Variants in PLCG1 observed in about 807,000 individuals in gnomAD.
The protein encoded by PLCG1 is 1-phosphatidylinositol 4,5-bisphosphate phosphodiesterase gamma-1.
Under a neutral mutation model 177.8 loss-of-function variants are expected in PLCG1, and 71 were observed. The ratio of observed to expected loss-of-function variants is 0.40; its 90% CI spans 0.33 to 0.49. PLCG1 has a LOEUF of 0.49. PLCG1 is among the 20% of genes least tolerant of loss of function. The pLI is 0.72. For synonymous variants in PLCG1, 658 were observed against 647.9 expected (o/e 1.02, Z -0.24); for missense variants, 1,281 against 1,709.0 (o/e 0.75, Z 4.42).
chr20:41,174,519 A>G lies in PLCG1; in HGVS notation c.*10A>G. Reference sequence around the variant, plus strand: ...AGACAACCGCCTCTAGTTGTACCCCAGCCTCGTTGGAGAGCAGCAGGTGCT... The same window carrying G: ...AGACAACCGCCTCTAGTTGTACCCCGGCCTCGTTGGAGAGCAGCAGGTGCT... On this transcript the variant is annotated 3_prime_UTR_variant, in exon 32 of 32. Transcript: ENST00000685551. This position sits in a 1 kb window ranked among gnomAD's most constrained non-coding sequence, Gnocchi z 5.8. 1 of 1,581,130 alleles carries G rather than the reference A, an allele frequency of 6.3e-7. No individual in the cohort carries two copies. The highest frequency in any genetic ancestry group is 8.6e-7 in the Non-Finnish European group (1 of 1,162,474).
In PLCG1 at chr20:41,162,599, G is replaced by A. The variant is rs34969253; in HGVS notation, c.598-43G>A. ...GGGAAGCCAAGAGCCCTTCAGCTGG[G>A]GGCCTGACTGCCTGACTGGCACTCC... On this transcript the variant is annotated intron_variant, in intron 5 of 31. Coordinates refer to ENST00000685551, the MANE Select transcript of PLCG1 (RefSeq NM_002660.3). The A allele has an allele frequency of 5.5e-4, 886 of 1,608,444 alleles. 1 individual carries two copies. In the African/African-American group the frequency reaches 0.01, roughly 19 times the overall value.
At position 41,175,187 on chromosome 20, in the gene PLCG1, C is replaced by T. The variant is rs1169750078; in HGVS notation, c.*678C>T. On this transcript the variant is annotated 3_prime_UTR_variant, in exon 32 of 32. Coordinates refer to ENST00000685551, the MANE Select transcript of PLCG1 (RefSeq NM_002660.3). ...AATGGTATTGTAACTAAGTTATTTA[C>T]TCCTCCTGCTCCTCACCCCTGTAGG... 1 of 152,582 alleles carries T rather than the reference C, an allele frequency of 6.6e-6. No homozygotes were observed. 9.5% of individuals were successfully genotyped at this position (152,582 alleles called of 1,614,324 possible). A position where few individuals can be genotyped will look rare whatever the true frequency, so the allele number is the denominator to read the frequency against.
At position 41,163,064 on chromosome 20, in the gene PLCG1, C is replaced by A; in HGVS notation, c.716+72C>A. On this transcript the variant is annotated intron_variant, in intron 7 of 31. Transcript: ENST00000685551. The surrounding 1 kb of genome is among the most constrained non-coding windows in gnomAD (Gnocchi z 5.2). ...TCTCTCCACTGGGCGATTCTTGATCCAGGTGGGAGGCAGTGGGAGTAGGGA... is the reference window on the plus strand; with the variant it reads ...TCTCTCCACTGGGCGATTCTTGATCAAGGTGGGAGGCAGTGGGAGTAGGGA... 2 of 1,546,446 alleles carry A rather than the reference C, an allele frequency of 1.3e-6. No homozygotes were observed. The highest frequency in any genetic ancestry group is 1.8e-6 in the Non-Finnish European group (2 of 1,118,472).
In PLCG1 at chr20:41,141,392, G is replaced by C. The variant is rs577252471; in HGVS notation, c.217+3534G>C. On this transcript the variant is annotated intron_variant, in intron 1 of 31. Transcript: ENST00000685551. ...CTTTGATGAAGAGGGTGAGGGTGGC[G>C]GAAGAAAACAGCTAACTGCCTTGAT... Among the ~76,000 whole-genome samples, 8 of 152,386 alleles carry C rather than the reference G, an allele frequency of 5.2e-5. No homozygotes were observed. In the East Asian group the frequency reaches 1.3e-3, roughly 26 times the overall value.
At position 41,172,698 on chromosome 20, in the gene PLCG1, A is replaced by G. The variant is rs1190363008; in HGVS notation, c.3131-31A>G. 1.9e-5 allele frequency: 30 copies of G among 1,612,766 alleles called. No individual in the cohort carries two copies. Among genetic ancestry groups the G allele is most frequent in the Non-Finnish European group, 2.5e-5 (30 of 1,179,018 alleles). Reference sequence around the variant, plus strand: ...AGGAGGGGCACTGTGGGGCAGCTGGACTGGAATACACCATAATCTGCCTCT... The same window carrying G: ...AGGAGGGGCACTGTGGGGCAGCTGGGCTGGAATACACCATAATCTGCCTCT... On this transcript the variant is annotated intron_variant, in intron 26 of 31. Coordinates refer to ENST00000685551, the MANE Select transcript of PLCG1 (RefSeq NM_002660.3). The surrounding 1 kb of genome is among the most constrained non-coding windows in gnomAD (Gnocchi z 7.0).
intron 1 of PLCG1, among the ~76,000 whole-genome samples, chr20:41,140,421 C>A (rs1667853284): frequency 6.6e-6 from 1 of 152,194 alleles, no homozygotes; most frequent in African/African-American, 2.4e-5. Flanking sequence ...CTTGCCCAAG[C>A]ACCTCAGGTA....
intron 1 of PLCG1, among the ~76,000 whole-genome samples, chr20:41,149,712 C>T (rs1568731064): frequency 1.3e-5 from 2 of 152,060 alleles, no homozygotes; most frequent in Non-Finnish European, 2.9e-5. Context: ...GGCAGAGCAC[C>T]GGAAGAGAGG....
Position 41,151,096 on chromosome 20 carries a change from T to C in PLCG1, c.218-8510T>C, listed in dbSNP as rs1177157758. 6.6e-6 allele frequency among the ~76,000 whole-genome samples: 1 copy of C among 152,202 alleles called. No homozygotes were observed. The highest frequency in any genetic ancestry group is 1.5e-5 in the Non-Finnish European group (1 of 68,036). On this transcript the variant is annotated intron_variant, in intron 1 of 31. Transcript: ENST00000685551. The surrounding 1 kb of genome is among the most constrained non-coding windows in gnomAD (Gnocchi z 5.5). ...CTCTTCCAGCTTTAATTTCTCTGGG[T>C]GGGACCTCCTTTCCCTTCCTTCCTT...
Position 41,159,699 on chromosome 20 carries a change from C to T in PLCG1, c.311C>T (p.Ser104Leu). The T allele has an allele frequency of 1.2e-6, 2 of 1,614,224 alleles. No homozygotes were observed. The highest frequency in any genetic ancestry group is 1.7e-6 in the Non-Finnish European group (2 of 1,180,040). The part of the protein sequence containing the change: ...QEDPAFRPDQ[S>L]HCFVILYGME... Reference sequence around the variant, plus strand: ...GACCCAGCTTTCCGGCCGGACCAGTCACATTGCTTTGTCATTCTCTATGGA... The same window carrying T: ...GACCCAGCTTTCCGGCCGGACCAGTTACATTGCTTTGTCATTCTCTATGGA... Residue 104 changes from serine (S) to leucine (L), a missense_variant, in exon 2 of 32, where the codon TCA (serine) becomes TTA (leucine). Transcript: ENST00000685551. The surrounding 1 kb of genome is among the most constrained non-coding windows in gnomAD (Gnocchi z 6.0).
chr20:41,159,564 GGAGACCCCAGCTTGATCTT>G lies in PLCG1; in HGVS notation c.218-40_218-22del. 1.2e-6 allele frequency: 2 copies of G among 1,604,886 alleles called. No homozygotes were observed. The highest frequency in any genetic ancestry group is 2.7e-5 in the African/African-American group (2 of 74,718). Reference sequence around the variant, plus strand: ...TGCCCTCCTTTCGGTGTTGACTCTGGGAGACCCCAGCTTGATCTTGGCCTCTTTGCTACCTTCCTAGTTG... The same window carrying G: ...TGCCCTCCTTTCGGTGTTGACTCTGGGGCCTCTTTGCTACCTTCCTAGTTG... On this transcript the variant is annotated intron_variant, in intron 1 of 31. Transcript: ENST00000685551. This position sits in a 1 kb window ranked among gnomAD's most constrained non-coding sequence, Gnocchi z 6.0.
Position 41,172,070 on chromosome 20 carries a change from C to T in PLCG1, c.2809-123C>T, listed in dbSNP as rs2235360. 105,298 of 755,100 alleles carry T rather than the reference C, an allele frequency of 0.14. 8,573 individuals are homozygous for T. Among genetic ancestry groups the T allele is most frequent in the East Asian group, 0.24 (9,683 of 41,028 alleles). The allele number at this position is 755,100 out of a possible 1,614,324, so 46.8% of individuals were successfully genotyped here. On this transcript the variant is annotated intron_variant, in intron 24 of 31. Coordinates refer to ENST00000685551, the MANE Select transcript of PLCG1 (RefSeq NM_002660.3). This position sits in a 1 kb window ranked among gnomAD's most constrained non-coding sequence, Gnocchi z 7.0. ...TGTTGGGTGTGGTGTCTGGAAGGTACAGGGGAAGGTGGGAGAGGGGCCCAG... is the reference window on the plus strand; with the variant it reads ...TGTTGGGTGTGGTGTCTGGAAGGTATAGGGGAAGGTGGGAGAGGGGCCCAG...
At position 41,144,822 on chromosome 20, in the gene PLCG1, G is replaced by C. The variant is rs1314534149; in HGVS notation, c.217+6964G>C. ...TGTTCATGGTGGCAGTAGATCTCTA[G>C]CGTGGTTTGTGTTCCATCTCACCAT... On this transcript the variant is annotated intron_variant, in intron 1 of 31. Transcript: ENST00000685551. The surrounding 1 kb of genome is among the most constrained non-coding windows in gnomAD (Gnocchi z 4.1). 6.6e-6 allele frequency among the ~76,000 whole-genome samples: 1 copy of C among 152,072 alleles called. No homozygotes were observed. The highest frequency in any genetic ancestry group is 2.4e-5 in the African/African-American group (1 of 41,392).
Position 41,137,582 on chromosome 20 carries a change from C to A in PLCG1, c.-60C>A. ...CCTCAGCCCCAACCTCAGCCGCCGC[C>A]GTTGCGCTTGCTCCCGGGCGGTCCT... On this transcript the variant is annotated 5_prime_UTR_variant, in exon 1 of 32. Coordinates refer to ENST00000685551, the MANE Select transcript of PLCG1 (RefSeq NM_002660.3). The surrounding 1 kb of genome is among the most constrained non-coding windows in gnomAD (Gnocchi z 7.3). The A allele has an allele frequency of 2.8e-6, 3 of 1,059,298 alleles. No homozygotes were observed. Among genetic ancestry groups the A allele is most frequent in the Non-Finnish European group, 3.6e-6 (3 of 823,018 alleles). 65.6% of individuals were successfully genotyped at this position (1,059,298 alleles called of 1,614,324 possible). A position where few individuals can be genotyped will look rare whatever the true frequency, so the allele number is the denominator to read the frequency against.
At position 41,141,625 on chromosome 20, in the gene PLCG1, G is replaced by A. The variant is rs543392355; in HGVS notation, c.217+3767G>A. On this transcript the variant is annotated intron_variant, in intron 1 of 31. Transcript: ENST00000685551. ...GGGAGAGGGGCAGGAGCACATGTCC[G>A]GATCTCCAGAGCTAGCCATCCCTGC... is the stretch of plus-strand genomic sequence containing the variant. Among the ~76,000 whole-genome samples, 8 of 152,360 alleles carry A rather than the reference G, an allele frequency of 5.3e-5. No individual in the cohort carries two copies. The East Asian group carries it at 7.7e-4, about 15-fold the overall frequency.
At position 41,148,645 on chromosome 20, in the gene PLCG1, A is replaced by G. The variant is rs1568730158; in HGVS notation, c.217+10787A>G. On this transcript the variant is annotated intron_variant, in intron 1 of 31. Transcript: ENST00000685551. The surrounding 1 kb of genome is among the most constrained non-coding windows in gnomAD (Gnocchi z 4.3). Reference sequence around the variant, plus strand: ...GTTCCTGGTAGGCATGGAGCATTGAAGATGGCAGACATGGTGCAGTCTCTC... The same window carrying G: ...GTTCCTGGTAGGCATGGAGCATTGAGGATGGCAGACATGGTGCAGTCTCTC... Among the ~76,000 whole-genome samples the G allele has an allele frequency of 6.6e-6, 1 of 152,250 alleles. No individual in the cohort carries two copies. The highest frequency in any genetic ancestry group is 1.5e-5 in the Non-Finnish European group (1 of 68,044).
At chr20:41,140,827 G>A (rs781407608) in intron 1 of PLCG1, among the ~76,000 whole-genome samples, 1 of 152,146 alleles carries the variant, frequency 6.6e-6, no homozygotes, top group East Asian at 1.9e-4. Context: ...GAGACCTTTC[G>A]TCCCATTTTA....
rs745791764 is a variant in PLCG1 at position 41,162,484 on chromosome 20, C to T, written c.545C>T (p.Ser182Phe). The change falls in exon 5 of 32, where the codon TCC (serine) becomes TTC (phenylalanine). Residue 182 changes from serine (S) to phenylalanine (F), a missense_variant. Ser to Phe is a radical substitution (Grantham distance 155, BLOSUM62 -2). Around this residue, in one of 4 missense-constraint regions of PLCG1, gnomAD observed 374 missense variants for 443.8 expected, o/e 0.84. Coordinates refer to ENST00000685551, the MANE Select transcript of PLCG1 (RefSeq NM_002660.3). ...ISAKDLKNMLSQVNYRVPNMR... is the reference protein window; with the variant it reads ...ISAKDLKNMLFQVNYRVPNMR... Reference sequence around the variant, plus strand: ...GCCAAGGACCTGAAGAACATGCTGTCCCAGGTCAACTACCGGGTCCCCAAC... The same window carrying T: ...GCCAAGGACCTGAAGAACATGCTGTTCCAGGTCAACTACCGGGTCCCCAAC... 1.1e-5 allele frequency: 18 copies of T among 1,613,682 alleles called. No individual in the cohort carries two copies. Among genetic ancestry groups the T allele is most frequent in the South Asian group, 3.3e-5 (3 of 91,052 alleles).
chr20:41,167,827 A>G lies in PLCG1; in HGVS notation c.2302-25A>G, dbSNP rs774326385. On this transcript the variant is annotated intron_variant, in intron 19 of 31. Coordinates refer to ENST00000685551, the MANE Select transcript of PLCG1 (RefSeq NM_002660.3). The surrounding 1 kb of genome is among the most constrained non-coding windows in gnomAD (Gnocchi z 4.4). Reference sequence around the variant, plus strand: ...TACCTCTGGGCTCTGGGGCATTAACATATCCCATTGTGTCCTGTTTCCAGG... The same window carrying G: ...TACCTCTGGGCTCTGGGGCATTAACGTATCCCATTGTGTCCTGTTTCCAGG... 60 of 1,556,642 alleles carry G rather than the reference A, an allele frequency of 3.9e-5. No homozygotes were observed. The highest frequency in any genetic ancestry group is 5.1e-5 in the Non-Finnish European group (57 of 1,127,974).
Position 41,160,930 on chromosome 20 carries a change from A to T in PLCG1, c.512+777A>T, listed in dbSNP as rs1600656093. 6.6e-6 allele frequency among the ~76,000 whole-genome samples: 1 copy of T among 152,324 alleles called. No homozygotes were observed. Among genetic ancestry groups the T allele is most frequent in the Admixed American group, 6.5e-5 (1 of 15,300 alleles). ...CCCATTTGGAGGGAAGCTTGGGTTC[A>T]GTTCGAGGCATGTTAAGTTTTCTGA... On this transcript the variant is annotated intron_variant, in intron 4 of 31. Transcript: ENST00000685551. This position sits in a 1 kb window ranked among gnomAD's most constrained non-coding sequence, Gnocchi z 5.5.
Sources: gnomAD v4.1 joint callset for allele counts (sites outside exome capture counted in the v4.1 genomes callset) on GRCh38, gnomAD v4.1.1 for gene constraint, gnomAD v4.1.1 regional missense constraint, Gnocchi (gnomAD v3.1) non-coding constraint, MANE v1.5 for transcripts, NCBI Gene and HGNC (gene_info 2026-07-23, HGNC 2026-07-21) for gene names.